Variants in MYH16 observed in about 807,000 individuals in gnomAD.
MYH16 encodes myosin heavy chain 16.
At chr7:99,300,168 C>G (rs891406009) in intron 37 of MYH16, among the ~76,000 whole-genome samples, 2 of 151,988 alleles carry the variant, frequency 1.3e-5, no homozygotes, top group African/African-American at 2.4e-5. Flanking sequence ...CCATACTGGC[C>G]AGGCTGATCT....
chr7:99,282,136 C>T (rs1792206925), intron 23 of MYH16, among the ~76,000 whole-genome samples: 2 of 152,156 alleles, frequency 1.3e-5, no homozygotes, highest in Admixed American at 1.3e-4. Context: ...GATTCTCCTG[C>T]CTCAGCCTCC....
chr7:99,252,253 AAC>A (rs1276110414), intron 6 of MYH16, among the ~76,000 whole-genome samples: 2 of 152,094 alleles, frequency 1.3e-5, no homozygotes, highest in African/African-American at 2.4e-5. Flanking sequence ...CTGAGACGCC[AAC>A]TTGAGAGGAG....
At chr7:99,296,890 G>C (rs777991094) in exon 34 of MYH16, 1 of 457,272 alleles carries the variant, frequency 2.2e-6, no homozygotes, top group Non-Finnish European at 4.4e-6. Context: ...TCTAGAGTCC[G>C]TGAAGAAGGA....
chr7:99,280,878 C>A, exon 23 of MYH16: 1 of 362,708 alleles, frequency 2.8e-6, no homozygotes, highest in Non-Finnish European at 5.4e-6. Context: ...GTTTCTAGGC[C>A]CTGGATCACA....
At chr7:99,294,149 A>C (rs1044596448) in exon 33 of MYH16, 1 of 455,122 alleles carries the variant, frequency 2.2e-6, no homozygotes, top group African/African-American at 2.0e-5. Context: ...GACTTGGAGA[A>C]GGTCAGAGAG....
intron 36 of MYH16, among the ~76,000 whole-genome samples, chr7:99,298,774 T>C (rs1792542885): frequency 6.6e-6 from 1 of 152,054 alleles, no homozygotes; most frequent in Non-Finnish European, 1.5e-5. Flanking sequence ...TCGCTTTTTT[T>C]TTTTAATTAT....
intron 17 of MYH16, among the ~76,000 whole-genome samples, chr7:99,266,561 C>T (rs1584345513): frequency 6.6e-6 from 1 of 152,276 alleles, no homozygotes; most frequent in Middle Eastern, 3.4e-3. Context: ...ATGTCTGGAT[C>T]AATGCCCTTT....
chr7:99,271,946 C>T (rs530846297), intron 19 of MYH16, among the ~76,000 whole-genome samples: 1 of 152,186 alleles, frequency 6.6e-6, no homozygotes, highest in Non-Finnish European at 1.5e-5. Context: ...ATCCACCTGC[C>T]TCAACTTCTC....
chr7:99,280,081 C>T (rs752631871), intron 22 of MYH16, among the ~76,000 whole-genome samples: 1 of 152,162 alleles, frequency 6.6e-6, no homozygotes, highest in Non-Finnish European at 1.5e-5. Flanking sequence ...CCATGTTGGC[C>T]AGACTGGTCT....
At chr7:99,303,602 A>G (rs1402081328) in intron 39 of MYH16, among the ~76,000 whole-genome samples, 2 of 152,162 alleles carry the variant, frequency 1.3e-5, no homozygotes, top group Non-Finnish European at 2.9e-5. Flanking sequence ...TAAGTTCAAG[A>G]CCAGCCTGGG....
intron 20 of MYH16, among the ~76,000 whole-genome samples, chr7:99,276,957 CAG>C (rs1792121351): frequency 6.6e-6 from 1 of 151,062 alleles, no homozygotes; most frequent in South Asian, 2.1e-4. Context: ...AAGACAGAAA[CAG>C]AAACACGGAG....
intron 1 of MYH16, among the ~76,000 whole-genome samples, chr7:99,241,455 C>T (rs1003281011): frequency 6.6e-6 from 1 of 152,070 alleles, no homozygotes; most frequent in Non-Finnish European, 1.5e-5. Flanking sequence ...TGGTGGCCTG[C>T]GCCTGTAATC....
At chr7:99,309,703 C>T (rs1792732499), downstream of MYH16, among the ~76,000 whole-genome samples, 1 of 152,238 alleles carries the variant, frequency 6.6e-6, no homozygotes, top group Non-Finnish European at 1.5e-5. Context: ...TCCTTTAAAG[C>T]AGGTCCCCTG....
At chr7:99,240,839 CAA>C (rs5886099) in intron 1 of MYH16, among the ~76,000 whole-genome samples, 5 of 143,952 alleles carry the variant, frequency 3.5e-5, no homozygotes, top group Admixed American at 6.9e-5. Context: ...AACCTTGTCT[CAA>C]AAAAAAAAAA....
In MYH16 at chr7:99,273,199, C is replaced by T. The variant is rs576880936; in HGVS notation, n.2404-143C>T. 1.9e-4 allele frequency: 76 copies of T among 397,142 alleles called. 1 individual carries two copies. Among genetic ancestry groups the T allele is most frequent in the South Asian group, 1.4e-3 (76 of 54,088 alleles). 24.6% of individuals were successfully genotyped at this position (397,142 alleles called of 1,614,324 possible). A position where few individuals can be genotyped will look rare whatever the true frequency, so the allele number is the denominator to read the frequency against. On this transcript the variant is annotated intron_variant and non_coding_transcript_variant, in intron 19 of 41. Coordinates refer to ENST00000439784, the Ensembl canonical transcript of MYH16. The stretch of plus-strand genomic sequence containing the variant: ...GTCTCCCTGCCGCAGACCACATGGG[C>T]AATGCTGGGTCTCGAGAAGGCACTT...
At chr7:99,268,136 G>A (rs1204608607) in intron 18 of MYH16, among the ~76,000 whole-genome samples, 1 of 152,208 alleles carries the variant, frequency 6.6e-6, no homozygotes, top group Non-Finnish European at 1.5e-5. Flanking sequence ...TACTCTGTGT[G>A]TGTGGAATTG....
chr7:99,247,620 G>T, exon 3 of MYH16: 2 of 188,938 alleles, frequency 1.1e-5, no homozygotes, highest in East Asian at 1.3e-4. Context: ...TCTGCGTGAC[G>T]GTCAACCCCT....
intron 20 of MYH16, among the ~76,000 whole-genome samples, chr7:99,273,808 AG>A (rs1445335198): frequency 1.3e-5 from 2 of 151,132 alleles, no homozygotes; most frequent in African/African-American, 4.9e-5. Context: ...GAGAGAGGAA[AG>A]GAAGACAGAG....
At chr7:99,296,662 G>A (rs1245974505) in intron 33 of MYH16, 39 bp from the exon 15 acceptor site, 1 of 453,602 alleles carries the variant, frequency 2.2e-6, no homozygotes. Context: ...CAGAGGCAAG[G>A]AGGTTGGACC....
Sources: gnomAD v4.1 joint callset for allele counts (sites outside exome capture counted in the v4.1 genomes callset) on GRCh38, gnomAD v4.1.1 for gene constraint, MANE v1.5 for transcripts, NCBI Gene and HGNC (gene_info 2026-07-23, HGNC 2026-07-21) for gene names.